Variants in HMGN5 observed in about 807,000 individuals in gnomAD.
HMGN5 encodes high mobility group nucleosome binding domain 5.
In HMGN5, 4 loss-of-function variants were observed where a neutral mutation model predicts 9.5. The ratio of observed to expected loss-of-function variants is 0.42; its 90% CI spans 0.21 to 0.96. The LOEUF is 0.96. Ranked by LOEUF, HMGN5 falls within the 40% of genes least tolerant of loss-of-function variation. The pLI is 0.30. For missense variants in HMGN5, 192 were observed against 187.5 expected (o/e 1.02, Z -0.14); for synonymous variants, 55 against 57.1 (o/e 0.96, Z 0.16).
chrX:81,148,011 T>A (rs2075350179), intron 1 of HMGN5, among the ~76,000 whole-genome samples: 3 of 111,950 alleles, frequency 2.7e-5, no homozygotes, highest in South Asian at 3.7e-4. Flanking sequence ...AAACATTCCA[T>A]GCTCATGGAT....
intron 1 of HMGN5, among the ~76,000 whole-genome samples, chrX:81,144,605 C>T (rs1206003066): frequency 9.0e-6 from 1 of 111,532 alleles, no homozygotes; most frequent in African/African-American, 3.3e-5. Flanking sequence ...TCCAAAGGCA[C>T]AACGTTTTGC....
At chrX:81,196,278 T>C (rs774029698) in intron 1 of HMGN5, among the ~76,000 whole-genome samples, 6 of 110,946 alleles carry the variant, frequency 5.4e-5, no homozygotes, top group South Asian at 4.0e-4. Context: ...TAGGGCATCA[T>C]TGAGTGATGT....
intron 1 of HMGN5, among the ~76,000 whole-genome samples, chrX:81,128,929 C>T (rs2075291630): frequency 9.0e-6 from 1 of 111,667 alleles, no homozygotes; most frequent in South Asian, 3.7e-4. Context: ...TTCCAGGCAG[C>T]CAACTGCTAA....
At chrX:81,115,675 G>T (rs2075251289) in intron 6 of HMGN5, among the ~76,000 whole-genome samples, 1 of 111,655 alleles carries the variant, frequency 9.0e-6, no homozygotes. Context: ...TACTGTACCA[G>T]ATATTATAAG....
intron 1 of HMGN5, among the ~76,000 whole-genome samples, chrX:81,125,832 T>C (rs2075281691): frequency 9.0e-6 from 1 of 111,406 alleles, no homozygotes; most frequent in African/African-American, 3.3e-5. Context: ...CTTAAATGAC[T>C]TGCGAAAGAT....
chrX:81,149,895 C>A (rs1735137777), intron 1 of HMGN5, among the ~76,000 whole-genome samples: 1 of 111,832 alleles, frequency 8.9e-6, no homozygotes, highest in Admixed American at 9.5e-5. Flanking sequence ...CCTGGAGCAC[C>A]TGGATTTATA....
chrX:81,137,665 AC>A (rs2075315146), intron 1 of HMGN5, among the ~76,000 whole-genome samples: 1 of 111,731 alleles, frequency 9.0e-6, no homozygotes, highest in African/African-American at 3.2e-5. Context: ...AAAGACAAAC[AC>A]AAAGCATGCA....
At chrX:81,153,054 G>A (rs1038527996) in intron 1 of HMGN5, among the ~76,000 whole-genome samples, 4 of 105,535 alleles carry the variant, frequency 3.8e-5, no homozygotes, top group African/African-American at 1.4e-4. Context: ...TAAAGGACGA[G>A]TTAATGGGTG....
intron 1 of HMGN5, among the ~76,000 whole-genome samples, chrX:81,151,379 C>T (rs1240406512): frequency 9.0e-6 from 1 of 111,483 alleles, no homozygotes; most frequent in African/African-American, 3.3e-5. Flanking sequence ...AGTCAGGTAG[C>T]ATGATGCCTC....
intron 1 of HMGN5, among the ~76,000 whole-genome samples, chrX:81,175,373 A>G: frequency 9.1e-6 from 1 of 109,842 alleles, no homozygotes; most frequent in African/African-American, 3.3e-5. Context: ...GTATGTGTGT[A>G]TTACTTATCA....
chrX:81,131,883 G>A (rs2075298417), intron 1 of HMGN5, among the ~76,000 whole-genome samples: 1 of 110,939 alleles, frequency 9.0e-6, no homozygotes, highest in Non-Finnish European at 1.9e-5. Flanking sequence ...GCAAGAGAAA[G>A]AAATAAAGGG....
chrX:81,140,496 C>T lies in HMGN5; in HGVS notation c.-123-18824G>A, dbSNP rs1234195663. 4.0e-5 allele frequency among the ~76,000 whole-genome samples: 4 copies of T among 99,190 alleles called. No homozygotes were observed. In the Admixed American group the frequency reaches 4.7e-4, roughly 12 times the overall value. The allele number at this position is 99,190 out of a possible 115,157, so 86.1% of individuals were successfully genotyped here. Reference sequence around the variant, plus strand: ...AATGGCGTGAACCCGGAAGGGGGAGCTTGCAGTGAGGCGAGATCGCGCCAC... The same window carrying T: ...AATGGCGTGAACCCGGAAGGGGGAGTTTGCAGTGAGGCGAGATCGCGCCAC... On this transcript the variant is annotated intron_variant, in intron 1 of 6. Transcript: ENST00000358130.
chrX:81,148,788 A>C (rs188877359), intron 1 of HMGN5, among the ~76,000 whole-genome samples: 11 of 112,091 alleles, frequency 9.8e-5, no homozygotes, highest in African/African-American at 3.6e-4. Flanking sequence ...TTTACAAGAA[A>C]AAAAAACAAT....
At chrX:81,130,980 G>T (rs1282265213) in intron 1 of HMGN5, among the ~76,000 whole-genome samples, 2 of 111,381 alleles carry the variant, frequency 1.8e-5, no homozygotes, top group Admixed American at 9.6e-5. Flanking sequence ...GGTCAGGGAA[G>T]AACTTACTCA....
intron 1 of HMGN5, among the ~76,000 whole-genome samples, chrX:81,168,282 T>A (rs1425519059): frequency 8.9e-6 from 1 of 111,908 alleles, no homozygotes; most frequent in Non-Finnish European, 1.9e-5. Flanking sequence ...TTAAAATATT[T>A]CATTGGACTT....
At chrX:81,179,925 C>A (rs907564357) in intron 1 of HMGN5, among the ~76,000 whole-genome samples, 4 of 111,693 alleles carry the variant, frequency 3.6e-5, no homozygotes, top group African/African-American at 1.3e-4. Flanking sequence ...TGATCTTTGA[C>A]AAACCTGACA....
intron 1 of HMGN5, among the ~76,000 whole-genome samples, chrX:81,193,250 A>T (rs982411145): frequency 3.6e-5 from 4 of 111,769 alleles, no homozygotes; most frequent in African/African-American, 1.3e-4. Context: ...GTATGAGAAG[A>T]TCAACTCTCT....
intron 1 of HMGN5, among the ~76,000 whole-genome samples, chrX:81,189,064 G>A (rs2075486586): frequency 8.9e-6 from 1 of 111,791 alleles, no homozygotes. Context: ...TGGTGTTAAT[G>A]AAATCTCTCA....
intron 1 of HMGN5, chrX:81,197,574 A>G (rs2075512820): frequency 9.0e-6 from 1 of 111,363 alleles, no homozygotes; most frequent in African/African-American, 3.3e-5. Context: ...GTGAGGAATT[A>G]TCAGGGCGAG....
Sources: gnomAD v4.1 joint callset for allele counts (sites outside exome capture counted in the v4.1 genomes callset) on GRCh38, gnomAD v4.1.1 for gene constraint, MANE v1.5 for transcripts, NCBI Gene and HGNC (gene_info 2026-07-23, HGNC 2026-07-21) for gene names.